Variants in MAP4K3 observed in about 807,000 individuals in gnomAD.
MAP4K3 encodes the protein mitogen-activated protein kinase kinase kinase kinase 3, also known as MAPK/ERK kinase kinase kinase 3.
Under a neutral mutation model 143.5 loss-of-function variants are expected in MAP4K3, and 94 were observed. That is an observed-to-expected ratio of 0.65 (90% CI 0.55 to 0.78). The LOEUF (loss-of-function observed/expected upper bound fraction) is 0.78. Among genes scored for constraint, MAP4K3 ranks in the 30% least tolerant of loss-of-function variants. The pLI is 0.00. For missense variants in MAP4K3, 1,077 were observed against 1,068.1 expected (o/e 1.01, Z -0.12); for synonymous variants, 416 against 347.2 (o/e 1.20, Z -2.20).
chr2:39,310,880 A>G (rs1436145047), intron 13 of MAP4K3, among the ~76,000 whole-genome samples: 2 of 152,166 alleles, frequency 1.3e-5, no homozygotes, highest in Admixed American at 6.5e-5. Context: ...ACAATTAGTG[A>G]TATTTTCATG....
chr2:39,372,023 T>C (rs1666095707), intron 2 of MAP4K3, among the ~76,000 whole-genome samples: 2 of 151,652 alleles, frequency 1.3e-5, no homozygotes, highest in Non-Finnish European at 1.5e-5. Flanking sequence ...GATTATATGA[T>C]CTTATATTTG....
chr2:39,254,632 G>A lies in MAP4K3; in HGVS notation c.2471-112C>T, dbSNP rs986979654. On this transcript the variant is annotated intron_variant, in intron 31 of 33. Coordinates refer to ENST00000263881, the MANE Select transcript of MAP4K3 (RefSeq NM_003618.4). ...ATATTTCAATTCACAACTAATGTCA[G>A]CTATTCCATATTTATATGGCATCTT... The A allele has an allele frequency of 5.7e-6, 4 of 701,198 alleles. No individual in the cohort carries two copies. The African/African-American group carries it at 7.0e-5, about 12-fold the overall frequency. 43.4% of individuals were successfully genotyped at this position (701,198 alleles called of 1,614,324 possible).
chr2:39,421,119 A>T (rs750626642), intron 1 of MAP4K3, among the ~76,000 whole-genome samples: 1 of 152,208 alleles, frequency 6.6e-6, no homozygotes, highest in African/African-American at 2.4e-5. Flanking sequence ...TCACAGGACT[A>T]AGAAGTGGTC....
intron 24 of MAP4K3, among the ~76,000 whole-genome samples, chr2:39,276,685 C>A (rs1049594649): frequency 1.3e-5 from 2 of 152,322 alleles, no homozygotes; most frequent in Admixed American, 1.3e-4. Context: ...AAAAACACTG[C>A]GTGGACACAT....
chr2:39,323,617 C>T (rs901037465), intron 12 of MAP4K3: 7 of 151,974 alleles, frequency 4.6e-5, no homozygotes, highest in Non-Finnish European at 8.8e-5. Context: ...CAAATTACTA[C>T]GTAAATAACA....
intron 2 of MAP4K3, among the ~76,000 whole-genome samples, chr2:39,371,251 A>AT (rs1179682850): frequency 1.3e-5 from 2 of 152,210 alleles, no homozygotes; most frequent in Non-Finnish European, 2.9e-5. Context: ...TGGTGTTTTG[A>AT]TAGGCTTAGA....
chr2:39,325,387 C>T, intron 12 of MAP4K3, 131 bp downstream of exon 12: 2 of 521,752 alleles, frequency 3.8e-6, no homozygotes, highest in Non-Finnish European at 6.7e-6. Context: ...ATTAATTGTT[C>T]CCTCAAGAGC....
In MAP4K3 at chr2:39,290,675, C is replaced by T. The variant is rs113021698; in HGVS notation, c.1272-341G>A. On this transcript the variant is annotated intron_variant, in intron 18 of 33. Coordinates refer to ENST00000263881, the MANE Select transcript of MAP4K3 (RefSeq NM_003618.4). ...ACTGGGAAGGGCAGGGAAAAGGGGA[C>T]GAAAGGGAGAGATTTGTTAAAGAAT... is the stretch of plus-strand genomic sequence containing the variant. 1.3e-3 allele frequency among the ~76,000 whole-genome samples: 204 copies of T among 151,852 alleles called. 3 individuals are homozygous for T. Among genetic ancestry groups the T allele is most frequent in the African/African-American group, 4.7e-3 (194 of 41,364 alleles).
At chr2:39,304,253 A>G (rs1196157613) in intron 15 of MAP4K3, among the ~76,000 whole-genome samples, 1 of 152,186 alleles carries the variant, frequency 6.6e-6, no homozygotes, top group Non-Finnish European at 1.5e-5. Context: ...TTGGCATTTA[A>G]AACAACCAGA....
intron 1 of MAP4K3, among the ~76,000 whole-genome samples, chr2:39,424,640 G>A (rs971432992): frequency 1.6e-4 from 24 of 151,904 alleles, no homozygotes; most frequent in Non-Finnish European, 1.9e-4. Context: ...TACCAGCCAA[G>A]GCAACATAGT....
At chr2:39,331,809 CTT>C in intron 8 of MAP4K3, 106 bp downstream of exon 8, 2 of 641,964 alleles carry the variant, frequency 3.1e-6, no homozygotes. Flanking sequence ...CTGTTGATGA[CTT>C]TTTTCTTAAT....
At chr2:39,369,884 C>G (rs998314134) in intron 2 of MAP4K3, among the ~76,000 whole-genome samples, 1 of 152,220 alleles carries the variant, frequency 6.6e-6, no homozygotes, top group Non-Finnish European at 1.5e-5. Flanking sequence ...TCACAGCCAT[C>G]ACCGTTCCTT....
At chr2:39,430,940 A>T (rs2148638599) in intron 1 of MAP4K3, among the ~76,000 whole-genome samples, 1 of 152,312 alleles carries the variant, frequency 6.6e-6, no homozygotes, top group East Asian at 1.9e-4. Flanking sequence ...AAACTCATGT[A>T]GCCATGGTTT....
chr2:39,333,392 A>G, intron 7 of MAP4K3, 140 bp downstream of exon 7: 1 of 642,580 alleles, frequency 1.6e-6, no homozygotes, highest in African/African-American at 1.8e-5. Flanking sequence ...GAGAGGTGAC[A>G]GCATGGCAAC....
intron 12 of MAP4K3, among the ~76,000 whole-genome samples, chr2:39,319,750 A>G (rs928454815): frequency 6.6e-6 from 1 of 152,212 alleles, no homozygotes; most frequent in African/African-American, 2.4e-5. Context: ...AACCTAGACA[A>G]ATGAAATTAC....
chr2:39,417,953 A>C (rs1385630531), intron 1 of MAP4K3, among the ~76,000 whole-genome samples: 1 of 152,214 alleles, frequency 6.6e-6, no homozygotes, highest in East Asian at 1.9e-4. Flanking sequence ...CTGTAATCTG[A>C]GCACTTTGGG....
At chr2:39,252,628 A>G (rs1680195855) in intron 32 of MAP4K3, among the ~76,000 whole-genome samples, 1 of 152,266 alleles carries the variant, frequency 6.6e-6, no homozygotes, top group Non-Finnish European at 1.5e-5. Context: ...AACTATTCAC[A>G]GCTTACTGAA....
intron 27 of MAP4K3, among the ~76,000 whole-genome samples, chr2:39,266,667 T>C (rs758103567): frequency 7.2e-5 from 11 of 152,158 alleles, no homozygotes; most frequent in Non-Finnish European, 1.2e-4. Context: ...TAATGACTCA[T>C]GTGTTTATCG....
intron 13 of MAP4K3, among the ~76,000 whole-genome samples, chr2:39,310,094 A>C (rs1407118717): frequency 1.3e-5 from 2 of 152,198 alleles, no homozygotes; most frequent in East Asian, 3.8e-4. Context: ...CACATCAAAC[A>C]TTTACCATTT....
Sources: allele counts gnomAD v4.1 joint callset (sites outside exome capture counted in the v4.1 genomes callset), GRCh38; gene constraint gnomAD v4.1.1; transcripts MANE v1.5; gene names NCBI Gene and HGNC (gene_info 2026-07-23, HGNC 2026-07-21).